The following GSK3B variants were observed in gnomAD, a reference collection of about 807,000 sequenced individuals.
GSK3B encodes glycogen synthase kinase 3 beta.
In GSK3B, 15 loss-of-function variants were observed where a neutral mutation model predicts 56.4. The observed-to-expected ratio is 0.27, with a 90% CI of 0.18 to 0.41. The LOEUF is 0.41. Among genes scored for constraint, GSK3B ranks in the 10% least tolerant of loss-of-function variants. The pLI, the probability that GSK3B is intolerant of heterozygous loss-of-function variation, is 1.00. For synonymous variants in GSK3B, 181 were observed against 188.9 expected (o/e 0.96, Z 0.34); for missense variants, 300 against 513.4 (o/e 0.58, Z 4.02).
At chr3:119,937,910 G>T (rs1162035117) in intron 3 of GSK3B, among the ~76,000 whole-genome samples, 1 of 150,788 alleles carries the variant, frequency 6.6e-6, no homozygotes, top group African/African-American at 2.5e-5. Context: ...AAAAGAAAAA[G>T]AATTAAAATC....
chr3:119,978,830 C>T (rs886370825), intron 2 of GSK3B, among the ~76,000 whole-genome samples: 2 of 152,330 alleles, frequency 1.3e-5, no homozygotes, highest in African/African-American at 2.4e-5. Flanking sequence ...TCAGGTCAGC[C>T]ATCCCGGTCC....
chr3:119,843,987 G>T (rs1489951297), intron 9 of GSK3B, among the ~76,000 whole-genome samples: 1 of 152,166 alleles, frequency 6.6e-6, no homozygotes, highest in Non-Finnish European at 1.5e-5. Flanking sequence ...TCAGACTACA[G>T]TGAATCAAAT....
chr3:119,885,033 A>T (rs78731156), intron 7 of GSK3B, among the ~76,000 whole-genome samples: 2,417 of 152,114 alleles, frequency 0.016, 61 homozygotes, highest in African/African-American at 0.055. Context: ...CAAATAGAAA[A>T]ATAAGTAGTT....
chr3:119,945,299 T>C (rs896899435), intron 3 of GSK3B, among the ~76,000 whole-genome samples: 7 of 152,336 alleles, frequency 4.6e-5, no homozygotes, highest in African/African-American at 1.7e-4. Flanking sequence ...GAGGTATCTT[T>C]TTTTAAAAAA....
intron 9 of GSK3B, among the ~76,000 whole-genome samples, chr3:119,859,030 A>C (rs544416701): frequency 3.3e-5 from 5 of 152,292 alleles, no homozygotes; most frequent in African/African-American, 9.6e-5. Context: ...AATAACAATG[A>C]AAAAGCTCTA....
intron 8 of GSK3B, among the ~76,000 whole-genome samples, chr3:119,868,701 G>A (rs186586547): frequency 1.3e-3 from 191 of 152,302 alleles, no homozygotes; most frequent in African/African-American, 4.4e-3. Context: ...AGCCATGTCT[G>A]TTCCAAATAG....
At chr3:120,053,324 G>A (rs1037347398) in intron 1 of GSK3B, among the ~76,000 whole-genome samples, 1 of 148,950 alleles carries the variant, frequency 6.7e-6, no homozygotes, top group Non-Finnish European at 1.5e-5. Context: ...GCGACAGAGT[G>A]AGACACTGGC....
At chr3:119,827,535 G>A (rs2055530753) in intron 10 of GSK3B, among the ~76,000 whole-genome samples, 2 of 148,076 alleles carry the variant, frequency 1.4e-5, no homozygotes, top group African/African-American at 5.0e-5. Flanking sequence ...GAGAGGTTGA[G>A]GCTGCAAGTG....
chr3:119,985,240 G>A (rs2057504574), intron 2 of GSK3B, among the ~76,000 whole-genome samples: 1 of 152,058 alleles, frequency 6.6e-6, no homozygotes, highest in African/African-American at 2.4e-5. Flanking sequence ...ATACTGAATG[G>A]GCAAAAACTG....
chr3:119,892,570 C>T (rs1456450726), intron 7 of GSK3B, among the ~76,000 whole-genome samples: 1 of 152,124 alleles, frequency 6.6e-6, no homozygotes, highest in Non-Finnish European at 1.5e-5. Flanking sequence ...TTCCTCTCCT[C>T]CCATCCATCA....
chr3:120,015,919 C>G (rs2057822755), intron 1 of GSK3B, among the ~76,000 whole-genome samples: 1 of 152,078 alleles, frequency 6.6e-6, no homozygotes, highest in African/African-American at 2.4e-5. Context: ...AGTAGTAAAA[C>G]AGAATGGAGG....
At chr3:119,875,598 T>C (rs2056303022) in intron 8 of GSK3B, among the ~76,000 whole-genome samples, 1 of 151,564 alleles carries the variant, frequency 6.6e-6, no homozygotes, top group Non-Finnish European at 1.5e-5. Context: ...CTTGGGTAAG[T>C]CACTTTGAAT....
At position 120,062,723 on chromosome 3, in the gene GSK3B, C is replaced by T. The variant is rs768788321; in HGVS notation, c.88+30624G>A. Among the ~76,000 whole-genome samples, 22 of 152,130 alleles carry T rather than the reference C, an allele frequency of 1.4e-4. 1 individual carries two copies. The highest frequency in any genetic ancestry group is 5.9e-5 in the Non-Finnish European group (4 of 68,026). ...GATGAACAAGATCAGAAGGCTTTTC[C>T]CCTACTTTTATGGAACTTACATTCA... On this transcript the variant is annotated intron_variant, in intron 1 of 10. Transcript: ENST00000264235.
At chr3:120,056,709 T>C (rs1010623685) in intron 1 of GSK3B, among the ~76,000 whole-genome samples, 4 of 152,172 alleles carry the variant, frequency 2.6e-5, no homozygotes, top group Non-Finnish European at 4.4e-5. Context: ...TGCCAATTTA[T>C]AGTTTGAGGA....
At chr3:120,016,447 C>T (rs2057828693) in intron 1 of GSK3B, among the ~76,000 whole-genome samples, 1 of 152,074 alleles carries the variant, frequency 6.6e-6, no homozygotes, top group Admixed American at 6.6e-5. Flanking sequence ...CAAAGTAATC[C>T]CTTCAACAAC....
At chr3:119,854,816 CTTT>C (rs2055993278) in intron 9 of GSK3B, among the ~76,000 whole-genome samples, 2 of 152,094 alleles carry the variant, frequency 1.3e-5, no homozygotes, top group African/African-American at 2.4e-5. Context: ...CTCTTTTCTT[CTTT>C]ATTAGCCTTG....
intron 1 of GSK3B, among the ~76,000 whole-genome samples, chr3:120,044,823 T>C (rs1411223601): frequency 1.3e-5 from 2 of 152,228 alleles, no homozygotes; most frequent in African/African-American, 4.8e-5. Flanking sequence ...GTGGAGTTTG[T>C]ATTATAATGA....
At chr3:119,833,363 G>C (rs1166368194) in intron 10 of GSK3B, among the ~76,000 whole-genome samples, 1 of 152,150 alleles carries the variant, frequency 6.6e-6, no homozygotes, top group Non-Finnish European at 1.5e-5. Context: ...TTCTAGATCT[G>C]TGTGTCTATA....
intron 2 of GSK3B, among the ~76,000 whole-genome samples, chr3:119,958,792 AAAAGAGTGTTCACTTTTTTCAT>A (rs2057241581): frequency 6.6e-6 from 1 of 151,866 alleles, no homozygotes; most frequent in African/African-American, 2.4e-5. Context: ...TTTTTTCATG[AAAAGAGTGTTCACTTTTTTCAT>A]GAAAAGAGTG....
Sources: allele counts gnomAD v4.1 joint callset (sites outside exome capture counted in the v4.1 genomes callset), GRCh38; gene constraint gnomAD v4.1.1; transcripts MANE v1.5; gene names NCBI Gene and HGNC (gene_info 2026-07-23, HGNC 2026-07-21).